Variants in HNF4A observed in about 807,000 individuals in gnomAD.
The protein encoded by HNF4A is hepatocyte nuclear factor 4-alpha.
HNF4A carries 15 observed loss-of-function variants against 52.4 expected under a neutral mutation model. The ratio of observed to expected loss-of-function variants is 0.29; its 90% CI spans 0.19 to 0.44. HNF4A has a LOEUF of 0.44. HNF4A is among the 20% of genes least tolerant of loss of function. HNF4A has a pLI of 1.00. For missense variants in HNF4A, 479 were observed against 647.2 expected (o/e 0.74, Z 2.82); for synonymous variants, 280 against 264.4 (o/e 1.06, Z -0.57).
intron 1 of HNF4A, among the ~76,000 whole-genome samples, chr20:44,364,199 T>C (rs1235887883): frequency 2.0e-5 from 3 of 152,136 alleles, no homozygotes; most frequent in Non-Finnish European, 2.9e-5. Context: ...TTTTGACTTT[T>C]GTATATTTCT....
At position 44,411,853 on chromosome 20, in the gene HNF4A, C is replaced by T. The variant is rs534999983; in HGVS notation, c.386-1841C>T. On this transcript the variant is annotated intron_variant, in intron 3 of 9. Coordinates refer to ENST00000316099, the MANE Select transcript of HNF4A (RefSeq NM_000457.6). ...AGTGGATCACTTAAAGCCAGGTTTT[C>T]GAGACCAGCCTGGGCAACCTAATGA... Among the ~76,000 whole-genome samples, 84 of 151,328 alleles carry T rather than the reference C, an allele frequency of 5.6e-4. No homozygotes were observed. The South Asian group carries it at 0.014, about 26-fold the overall frequency.
chr20:44,394,188 G>A (rs1428278487), intron 1 of HNF4A, among the ~76,000 whole-genome samples: 3 of 152,156 alleles, frequency 2.0e-5, no homozygotes, highest in Admixed American at 6.5e-5. Flanking sequence ...ATGGCAAGGC[G>A]TTTGCAGAGC....
intron 1 of HNF4A, among the ~76,000 whole-genome samples, chr20:44,370,020 T>G (rs2063015314): frequency 6.6e-6 from 1 of 151,346 alleles, no homozygotes; most frequent in Non-Finnish European, 1.5e-5. Context: ...TGGACTTTTG[T>G]TTTTTTTGTT....
At chr20:44,420,487 A>G (rs1266986334) in intron 7 of HNF4A, among the ~76,000 whole-genome samples, 1 of 151,948 alleles carries the variant, frequency 6.6e-6, no homozygotes, top group Non-Finnish European at 1.5e-5. Flanking sequence ...ATTTATCAAA[A>G]TAATATCTAG....
chr20:44,382,610 C>T lies in HNF4A; in HGVS notation c.50-23448C>T, dbSNP rs373293615. On this transcript the variant is annotated intron_variant, in intron 1 of 9. Coordinates refer to the HNF4A transcript ENST00000316673. ...TTAAGTATTCATATTAAAATGAAAA[C>T]TAAACACAATTGTCCATATATGCTC... Among the ~76,000 whole-genome samples, 57 of 152,282 alleles carry T rather than the reference C, an allele frequency of 3.7e-4. 1 individual carries two copies. The South Asian group carries it at 0.011, about 29-fold the overall frequency.
At chr20:44,355,988 C>G (rs1031696950) in intron 1 of HNF4A, 135 bp downstream of exon 1, 80 of 752,060 alleles carry the variant, frequency 1.1e-4, no homozygotes, top group Non-Finnish European at 1.6e-4. Context: ...GGAAGCCCCA[C>G]GGAGGCAATG....
In HNF4A at chr20:44,420,003, G is replaced by A. The variant is rs374341735; in HGVS notation, c.892+127G>A. Reference sequence around the variant, plus strand: ...ATGTTAACGACAGCCAGGAGAGGCCGTTTTCATTTAACAGATGAGGCAAGT... The same window carrying A: ...ATGTTAACGACAGCCAGGAGAGGCCATTTTCATTTAACAGATGAGGCAAGT... On this transcript the variant is annotated intron_variant, in intron 7 of 9. Coordinates refer to ENST00000316099, the MANE Select transcript of HNF4A (RefSeq NM_000457.6). 497 of 990,176 alleles carry A rather than the reference G, an allele frequency of 5.0e-4. 1 individual carries two copies. In the African/African-American group the frequency reaches 6.2e-3, roughly 12 times the overall value. The allele number at this position is 990,176 out of a possible 1,614,324, so 61.3% of individuals were successfully genotyped here.
intron 1 of HNF4A, chr20:44,384,629 C>A (rs1243334913): frequency 6.6e-6 from 1 of 152,236 alleles, no homozygotes; most frequent in African/African-American, 2.4e-5. Context: ...TTTAAAGCTT[C>A]TGCCCAGGTG....
intron 1 of HNF4A, among the ~76,000 whole-genome samples, chr20:44,371,531 A>G (rs1365545872): frequency 6.6e-6 from 1 of 152,218 alleles, no homozygotes; most frequent in Non-Finnish European, 1.5e-5. Flanking sequence ...TACAAAAAAT[A>G]CAAAAATTAG....
rs781742192 is a variant in HNF4A, at chr20:44,432,476, G to T, written c.*2811G>T. On this transcript the variant is annotated 3_prime_UTR_variant, in exon 10 of 10. Transcript: ENST00000316099. ...CCCCACCAAGACACCCTGATCTTCA[G>T]GCGGGTCTCAGGAGCTTCTAAAAAT... 1.3e-5 allele frequency: 2 copies of T among 148,992 alleles called. No homozygotes were observed. The highest frequency in any genetic ancestry group is 3.0e-5 in the Non-Finnish European group (2 of 67,664). The allele number at this position is 148,992 out of a possible 1,614,324, so 9.2% of individuals were successfully genotyped here.
chr20:44,413,813 T>A lies in HNF4A; in HGVS notation c.492+13T>A, dbSNP rs751892882. The A allele has an allele frequency of 2.6e-6, 4 of 1,565,996 alleles. No homozygotes were observed. Among genetic ancestry groups the A allele is most frequent in the Non-Finnish European group, 3.5e-6 (4 of 1,139,206 alleles). ...CCTGTCCCGACAGGTACCGGGGTGA[T>A]CCTGCCACCCACCCAGGGATCCCCC... On this transcript the variant is annotated intron_variant, in intron 4 of 9. Transcript: ENST00000316099.
At chr20:44,413,328 C>T (rs149625956) in intron 3 of HNF4A, among the ~76,000 whole-genome samples, 3 of 152,312 alleles carry the variant, frequency 2.0e-5, no homozygotes, top group East Asian at 1.9e-4. Flanking sequence ...GCTTTACTCA[C>T]TTTCATTTGG....
intron 1 of HNF4A, among the ~76,000 whole-genome samples, chr20:44,364,496 A>G (rs1156650912): frequency 2.0e-5 from 3 of 151,254 alleles, no homozygotes; most frequent in Non-Finnish European, 2.9e-5. Context: ...TTCTAGATGG[A>G]GTCTTGCTCT....
chr20:44,420,717 C>T (rs961274594), intron 7 of HNF4A, among the ~76,000 whole-genome samples: 2 of 152,092 alleles, frequency 1.3e-5, no homozygotes, highest in Admixed American at 6.6e-5. Context: ...ACTCAGGAGG[C>T]CAAGGTGGGA....
intron 1 of HNF4A, among the ~76,000 whole-genome samples, chr20:44,379,303 G>A (rs966102158): frequency 6.6e-5 from 10 of 151,928 alleles, no homozygotes; most frequent in Non-Finnish European, 1.5e-5. Flanking sequence ...GTTCTTTTGG[G>A]TATATACTCG....
At chr20:44,368,892 A>G (rs527648204) in intron 1 of HNF4A, among the ~76,000 whole-genome samples, 3 of 152,278 alleles carry the variant, frequency 2.0e-5, no homozygotes, top group East Asian at 3.9e-4. Context: ...CATTACGTCT[A>G]TAACTAAAAA....
rs78604430 is a variant in HNF4A, at chr20:44,356,641, T to G, written c.49+788T>G. Reference sequence around the variant, plus strand: ...CACTGAAGAACTGTGTAGTTGCTGATAGCGAAACGGATATAGATGTATATA... The same window carrying G: ...CACTGAAGAACTGTGTAGTTGCTGAGAGCGAAACGGATATAGATGTATATA... On this transcript the variant is annotated intron_variant, in intron 1 of 9. Transcript: ENST00000316673. 2.4e-3 allele frequency among the ~76,000 whole-genome samples: 372 copies of G among 152,290 alleles called. 2 individuals carry two copies. The highest frequency in any genetic ancestry group is 3.7e-3 in the Non-Finnish European group (253 of 68,032).
At chr20:44,396,608 C>G (rs187080900), upstream of HNF4A, among the ~76,000 whole-genome samples, 10 of 152,292 alleles carry the variant, frequency 6.6e-5, no homozygotes, top group African/African-American at 2.2e-4. Flanking sequence ...AGTGCTTGTT[C>G]ATGGCTGGGT....
intron 1 of HNF4A, among the ~76,000 whole-genome samples, chr20:44,364,053 A>G (rs532565737): frequency 2.0e-5 from 3 of 152,078 alleles, no homozygotes; most frequent in Non-Finnish European, 4.4e-5. Flanking sequence ...GTCACACAGT[A>G]TTCCCTGGGT....
Sources: allele counts gnomAD v4.1 joint callset (sites outside exome capture counted in the v4.1 genomes callset), GRCh38; gene constraint gnomAD v4.1.1; transcripts MANE v1.5; gene names NCBI Gene and HGNC (gene_info 2026-07-23, HGNC 2026-07-21).